SH3RF3: variants seen among roughly 807,000 people sequenced by gnomAD.
The protein encoded by SH3RF3 is SH3 domain containing ring finger 3, also known as E3 ubiquitin-protein ligase SH3RF3.
Under a neutral mutation model 66.3 loss-of-function variants are expected in SH3RF3, and 29 were observed. The ratio of observed to expected loss-of-function variants is 0.44; its 90% confidence interval spans 0.33 to 0.60. SH3RF3 has a LOEUF of 0.60. Among genes scored for constraint, SH3RF3 ranks in the 20% least tolerant of loss-of-function variants. SH3RF3 has a pLI of 0.04. For synonymous variants in SH3RF3, 583 were observed against 532.0 expected (o/e 1.10, Z -1.32); for missense variants, 1,194 against 1,190.9 (o/e 1.00, Z -0.04).
chr2:109,474,096 C>G (rs1258669149), intron 8 of SH3RF3, among the ~76,000 whole-genome samples: 2 of 152,112 alleles, frequency 1.3e-5, no homozygotes, highest in Non-Finnish European at 2.9e-5. Flanking sequence ...GATGCACAGT[C>G]TGGGCCGGGC....
At chr2:109,384,696 C>T (rs927902475) in intron 3 of SH3RF3, among the ~76,000 whole-genome samples, 19 of 152,186 alleles carry the variant, frequency 1.2e-4, no homozygotes, top group African/African-American at 3.9e-4. Flanking sequence ...AGCCCACCCC[C>T]GCTTTGCTGA....
At chr2:109,444,887 G>A (rs1677664471) in intron 7 of SH3RF3, among the ~76,000 whole-genome samples, 2 of 152,142 alleles carry the variant, frequency 1.3e-5, no homozygotes, top group African/African-American at 4.8e-5. Flanking sequence ...TTTGAAATCA[G>A]TATGTTTAAG....
At chr2:109,137,806 T>C (rs1163646731) in intron 1 of SH3RF3, among the ~76,000 whole-genome samples, 2 of 152,230 alleles carry the variant, frequency 1.3e-5, no homozygotes, top group Admixed American at 1.3e-4. Flanking sequence ...CTCCAAGCTT[T>C]GCCTGCCACT....
intron 1 of SH3RF3, among the ~76,000 whole-genome samples, chr2:109,157,957 C>T (rs561020570): frequency 3.3e-5 from 5 of 152,246 alleles, no homozygotes; most frequent in African/African-American, 7.2e-5. Flanking sequence ...TGTTTAGTGA[C>T]GAGGGAGTAC....
rs753981480 is a variant in SH3RF3, at chr2:109,449,265, C to A, written c.1924C>A (p.Leu642Ile). The change falls in exon 8 of 10, where the codon CTC becomes ATC. Residue 642 changes from leucine (L) to isoleucine (I), a missense_variant. Coordinates refer to ENST00000309415, the MANE Select transcript of SH3RF3 (RefSeq NM_001099289.3). ...TCCATCCCGCCTGCCTGCCACCAGC[C>A]TCAGGCCCCACTCGGTGGTGTCCCC... ...NSPSRLPATS[L>I]RPHSVVSPQH... The A allele has an allele frequency of 7.4e-6, 12 of 1,612,466 alleles. No homozygotes were observed. The highest frequency in any genetic ancestry group is 1.0e-5 in the Non-Finnish European group (12 of 1,179,296).
chr2:109,148,576 C>T (rs896388033), intron 1 of SH3RF3, among the ~76,000 whole-genome samples: 1 of 152,060 alleles, frequency 6.6e-6, no homozygotes, highest in Non-Finnish European at 1.5e-5. Context: ...AGTAATAGAC[C>T]CCATTAGATC....
Position 109,419,613 on chromosome 2 carries a change from G to T in SH3RF3, c.1374G>T (p.Thr458=). The T allele has an allele frequency of 6.3e-7, 1 of 1,589,904 alleles. No individual in the cohort carries two copies. Among genetic ancestry groups the T allele is most frequent in the South Asian group, 1.1e-5 (1 of 87,244 alleles). Residue 458 remains threonine, a synonymous_variant, in exon 5 of 10, where the codon ACG becomes ACT. Transcript: ENST00000309415. ...CCTCGGTGTCTGGAGAGCAGGGCAC[G>T]CCTCCCAAGGTCCAGCTGCCCCTCA... ...RAASVSGEQG[T]PPKVQLPLNV... is the part of the protein sequence containing the mutation.
chr2:109,207,996 T>G (rs1678880030), intron 1 of SH3RF3, among the ~76,000 whole-genome samples: 1 of 152,214 alleles, frequency 6.6e-6, no homozygotes, highest in Admixed American at 6.5e-5. Flanking sequence ...ATTTTTAAAT[T>G]CTGGTGAGAT....
intron 4 of SH3RF3, among the ~76,000 whole-genome samples, chr2:109,406,882 G>A (rs973846398): frequency 2.0e-5 from 3 of 152,180 alleles, no homozygotes; most frequent in Non-Finnish European, 4.4e-5. Flanking sequence ...CTGTTGAGGG[G>A]TGGGCACATG....
At chr2:109,140,632 C>T (rs892782545) in intron 1 of SH3RF3, among the ~76,000 whole-genome samples, 4 of 152,192 alleles carry the variant, frequency 2.6e-5, no homozygotes, top group Admixed American at 2.6e-4. Flanking sequence ...CCACCTGCCT[C>T]AGCCTCCCAA....
At chr2:109,364,509 GT>G (rs1196540289) in intron 2 of SH3RF3, among the ~76,000 whole-genome samples, 1 of 152,156 alleles carries the variant, frequency 6.6e-6, no homozygotes, top group Non-Finnish European at 1.5e-5. Context: ...AAACTGTGGG[GT>G]TTTTTGCCTT....
chr2:109,148,905 T>G (rs1677161231), intron 1 of SH3RF3, among the ~76,000 whole-genome samples: 3 of 152,158 alleles, frequency 2.0e-5, no homozygotes. Context: ...ATTGGTGGTT[T>G]TACCCAAAAA....
chr2:109,252,851 G>A (rs1358143722), intron 1 of SH3RF3, among the ~76,000 whole-genome samples: 1 of 152,106 alleles, frequency 6.6e-6, no homozygotes, highest in African/African-American at 2.4e-5. Context: ...TGGTTATATA[G>A]GTATGTGAAG....
intron 3 of SH3RF3, among the ~76,000 whole-genome samples, chr2:109,383,427 A>G (rs1675747020): frequency 6.6e-6 from 1 of 152,162 alleles, no homozygotes; most frequent in African/African-American, 2.4e-5. Context: ...AGACTTGGCA[A>G]TGGATTATGA....
chr2:109,402,444 G>A (rs977228095), intron 4 of SH3RF3, among the ~76,000 whole-genome samples: 5 of 152,244 alleles, frequency 3.3e-5, no homozygotes, highest in African/African-American at 1.2e-4. Flanking sequence ...TGTGTCATGG[G>A]CTCATCCACA....
At chr2:109,406,209 G>A (rs1676449189) in intron 4 of SH3RF3, among the ~76,000 whole-genome samples, 1 of 152,206 alleles carries the variant, frequency 6.6e-6, no homozygotes, top group Non-Finnish European at 1.5e-5. Flanking sequence ...GCTCTGCTGG[G>A]GGAGGGAGGT....
chr2:109,348,078 C>T, intron 2 of SH3RF3, 129 bp downstream of exon 2: 1 of 1,308,990 alleles, frequency 7.6e-7, no homozygotes, highest in Non-Finnish European at 1.0e-6. Flanking sequence ...CTCCCGGAAC[C>T]CTGGGCAAAT....
chr2:109,246,475 T>G (rs1242351096), intron 1 of SH3RF3, among the ~76,000 whole-genome samples: 1 of 152,178 alleles, frequency 6.6e-6, no homozygotes, highest in African/African-American at 2.4e-5. Context: ...AGCATTACCT[T>G]GGAGGTTAGG....
chr2:109,330,769 C>T (rs916931309), intron 1 of SH3RF3, among the ~76,000 whole-genome samples: 6 of 152,144 alleles, frequency 3.9e-5, no homozygotes, highest in African/African-American at 1.2e-4. Flanking sequence ...AATACATACA[C>T]AGATACACAA....
Sources: allele counts gnomAD v4.1 joint callset (sites outside exome capture counted in the v4.1 genomes callset), GRCh38; gene constraint gnomAD v4.1.1; transcripts MANE v1.5; gene names NCBI Gene and HGNC (gene_info 2026-07-23, HGNC 2026-07-21).